EYA1: variants seen among roughly 807,000 people sequenced by gnomAD.
EYA1 encodes protein phosphatase EYA1.
EYA1 carries 16 observed loss-of-function variants against 82.0 expected under a neutral mutation model. The ratio of observed to expected loss-of-function variants is 0.20; its 90% confidence interval spans 0.13 to 0.30. The LOEUF (loss-of-function observed/expected upper bound fraction) is 0.30, where lower values mean the gene tolerates loss of function less well. Ranked by LOEUF, EYA1 falls within the 10% of genes least tolerant of loss-of-function variation. The pLI is 1.00. For synonymous variants in EYA1, 261 were observed against 264.4 expected, an observed-to-expected ratio of 0.99 and a Z score of 0.12; for missense variants, 633 against 730.7, an observed-to-expected ratio of 0.87 and a Z score of 1.54.
At chr8:71,299,574 A>C in intron 8 of EYA1, 64 bp downstream of exon 8, 1 of 947,936 alleles carries the variant, frequency 1.1e-6, no homozygotes, top group Non-Finnish European at 1.7e-6. Flanking sequence ...ATCTTTCTTT[A>C]CATAAGAAAA....
intron 2 of EYA1, among the ~76,000 whole-genome samples, chr8:71,446,021 A>G (rs1009016054): frequency 1.3e-5 from 2 of 152,202 alleles, no homozygotes; most frequent in Non-Finnish European, 2.9e-5. Flanking sequence ...TTTCAGACAT[A>G]AGGACTTGGT....
intron 2 of EYA1, among the ~76,000 whole-genome samples, chr8:71,494,691 C>T (rs1314779406): frequency 6.6e-6 from 1 of 151,976 alleles, no homozygotes; most frequent in African/African-American, 2.4e-5. Flanking sequence ...AAGACAAGGC[C>T]TAGAGCAAGG....
intron 2 of EYA1, among the ~76,000 whole-genome samples, chr8:71,412,421 TAAAATAA>T (rs1830652834): frequency 7.2e-6 from 1 of 139,088 alleles, no homozygotes; most frequent in Non-Finnish European, 1.6e-5. Context: ...TAAAATAAAA[TAAAATAA>T]AAAAAAGAAA....
In EYA1 at chr8:71,317,611, T is replaced by C. The variant is rs138353102; in HGVS notation, c.497A>G (p.Tyr166Cys). ...QSPGQTGFLS[Y>C]GTSFSTPQPG... Reference sequence around the variant, plus strand: ...TTGAGGGGTACTGAAGCTTGTGCCATAGCTGAGAAATCCTGTCTGTCCAGG... The same window carrying C: ...TTGAGGGGTACTGAAGCTTGTGCCACAGCTGAGAAATCCTGTCTGTCCAGG... Residue 166 changes from tyrosine (Y) to cysteine (C), a missense_variant, in exon 7 of 18, where the codon TAT (tyrosine) becomes TGT (cysteine). Transcript: ENST00000340726. The C allele has an allele frequency of 2.5e-6, 4 of 1,614,124 alleles. No individual in the cohort carries two copies. The highest frequency in any genetic ancestry group is 2.2e-5 in the East Asian group (1 of 44,874).
intron 3 of EYA1, among the ~76,000 whole-genome samples, chr8:71,348,219 T>C (rs944908312): frequency 6.6e-5 from 10 of 152,182 alleles, no homozygotes; most frequent in African/African-American, 2.4e-4. Context: ...AGAAGAAATG[T>C]AACAGACCCC....
At chr8:71,425,360 G>A (rs997822017) in intron 2 of EYA1, among the ~76,000 whole-genome samples, 1 of 151,964 alleles carries the variant, frequency 6.6e-6, no homozygotes, top group Non-Finnish European at 1.5e-5. Context: ...AAAGCAAATA[G>A]TAAACTTTTG....
chr8:71,496,892 C>T (rs1199690647), intron 2 of EYA1, among the ~76,000 whole-genome samples: 1 of 143,612 alleles, frequency 7.0e-6, no homozygotes, highest in Non-Finnish European at 1.5e-5. Context: ...CTCACTTTTT[C>T]TAGCATGGTA....
chr8:71,477,953 T>C (rs1015926769), intron 2 of EYA1, among the ~76,000 whole-genome samples: 2 of 152,000 alleles, frequency 1.3e-5, no homozygotes, highest in African/African-American at 4.8e-5. Context: ...TTGAAGACAT[T>C]GGGTTAAGTC....
At chr8:71,433,055 A>G (rs1025153482) in intron 2 of EYA1, among the ~76,000 whole-genome samples, 31 of 152,232 alleles carry the variant, frequency 2.0e-4, no homozygotes, top group African/African-American at 7.5e-4. Flanking sequence ...GACACAGGCT[A>G]CTACTAGGAT....
intron 2 of EYA1, among the ~76,000 whole-genome samples, chr8:71,474,502 A>G (rs934277635): frequency 6.6e-6 from 1 of 152,198 alleles, no homozygotes; most frequent in Non-Finnish European, 1.5e-5. Context: ...CTAGAGAACT[A>G]TATTATCAAG....
At chr8:71,459,630 T>C (rs796229225) in intron 2 of EYA1, among the ~76,000 whole-genome samples, 4 of 103,222 alleles carry the variant, frequency 3.9e-5, no homozygotes, top group African/African-American at 2.3e-4. Context: ...TATTCTCTTT[T>C]CTGAGAGCTT....
intron 2 of EYA1, among the ~76,000 whole-genome samples, chr8:71,402,078 A>T (rs988583207): frequency 1.3e-5 from 2 of 152,308 alleles, no homozygotes; most frequent in East Asian, 3.9e-4. Context: ...AACTTGAGTT[A>T]TTCTGCCCAC....
intron 2 of EYA1, among the ~76,000 whole-genome samples, chr8:71,434,370 C>T (rs577804110): frequency 2.6e-5 from 4 of 152,192 alleles, no homozygotes; most frequent in African/African-American, 4.8e-5. Flanking sequence ...TTCTGTAAAC[C>T]TGTCACTCAA....
chr8:71,199,781 T>C (rs1303038093), intron 17 of EYA1, among the ~76,000 whole-genome samples: 1 of 152,236 alleles, frequency 6.6e-6, no homozygotes, highest in Non-Finnish European at 1.5e-5. Flanking sequence ...TTAAAAAGCT[T>C]GTACTTTATG....
intron 2 of EYA1, among the ~76,000 whole-genome samples, chr8:71,441,296 G>C (rs772650676): frequency 2.0e-5 from 3 of 152,104 alleles, no homozygotes; most frequent in Non-Finnish European, 4.4e-5. Context: ...TGTAATCCCA[G>C]CTACTCAGGA....
At chr8:71,438,171 C>CA (rs1257909166) in intron 2 of EYA1, among the ~76,000 whole-genome samples, 1 of 151,940 alleles carries the variant, frequency 6.6e-6, no homozygotes, top group Non-Finnish European at 1.5e-5. Context: ...AAACAATAAA[C>CA]AAAAATAGAA....
Position 71,464,478 on chromosome 8 carries a change from A to G in EYA1, c.33+71266T>C, listed in dbSNP as rs78233813. On this transcript the variant is annotated intron_variant, in intron 2 of 18. Transcript: ENST00000643681. ...CCCCATCTGTGCCACTTACACAGGT[A>G]AAGGGCACTACTGAGCCAAACTCAA... Among the ~76,000 whole-genome samples the G allele has an allele frequency of 9.2e-3, 1,403 of 152,336 alleles. 26 individuals carry two copies. Among genetic ancestry groups the G allele is most frequent in the African/African-American group, 0.032 (1,337 of 41,586 alleles).
chr8:71,307,201 A>G (rs186317971), intron 7 of EYA1, among the ~76,000 whole-genome samples: 297 of 152,366 alleles, frequency 1.9e-3, no homozygotes, highest in Middle Eastern at 3.4e-3. Flanking sequence ...ATCAATTTAA[A>G]AAAGTGAGTA....
chr8:71,262,321 C>T (rs1207566691), intron 11 of EYA1, among the ~76,000 whole-genome samples: 7 of 152,146 alleles, frequency 4.6e-5, no homozygotes, highest in Admixed American at 3.9e-4. Context: ...TCACTATTTA[C>T]CCTTTTTGCT....
Sources: gnomAD v4.1 joint callset for allele counts (sites outside exome capture counted in the v4.1 genomes callset) on GRCh38, gnomAD v4.1.1 for gene constraint, MANE v1.5 for transcripts, NCBI Gene and HGNC (gene_info 2026-07-23, HGNC 2026-07-21) for gene names.